Variants in STMN2 observed in about 807,000 individuals in gnomAD.
STMN2 encodes the protein stathmin 2.
In STMN2, 2 loss-of-function variants were observed where a neutral mutation model predicts 24.1. The ratio of observed to expected loss-of-function variants is 0.08; its 90% CI spans 0.03 to 0.26. The LOEUF is 0.26. STMN2 is among the 10% of genes least tolerant of loss of function. The pLI is 1.00. For synonymous variants in STMN2, 83 were observed against 77.5 expected (o/e 1.07, Z -0.37); for missense variants, 114 against 213.6 (o/e 0.53, Z 2.91).
chr8:79,624,896 C>A (rs532338447), intron 1 of STMN2, among the ~76,000 whole-genome samples: 8 of 152,316 alleles, frequency 5.3e-5, no homozygotes, highest in African/African-American at 1.9e-4. Flanking sequence ...CATCTTATAG[C>A]AATATTTGTT....
intron 1 of STMN2, chr8:79,631,307 C>T (rs1809797243): frequency 2.5e-6 from 1 of 397,102 alleles, no homozygotes; most frequent in Non-Finnish European, 3.4e-6. Context: ...CTGCTTTGAC[C>T]TTCTTAAATG....
At chr8:79,652,179 A>C (rs920780680) in intron 3 of STMN2, among the ~76,000 whole-genome samples, 1 of 152,176 alleles carries the variant, frequency 6.6e-6, no homozygotes, top group African/African-American at 2.4e-5. Flanking sequence ...GTTTGGTTTG[A>C]CTTTGTCTCC....
At chr8:79,614,309 A>G (rs920620474) in intron 1 of STMN2, among the ~76,000 whole-genome samples, 3 of 152,250 alleles carry the variant, frequency 2.0e-5, no homozygotes, top group Non-Finnish European at 2.9e-5. Flanking sequence ...TTAAACAATT[A>G]TGTATTCAGC....
chr8:79,644,520 G>T (rs933758987), intron 3 of STMN2, among the ~76,000 whole-genome samples: 4 of 152,208 alleles, frequency 2.6e-5, no homozygotes, highest in Admixed American at 2.0e-4. Flanking sequence ...GGATGTAGTA[G>T]TTTGATATGC....
At chr8:79,622,290 A>T (rs929297390) in intron 1 of STMN2, among the ~76,000 whole-genome samples, 1 of 152,224 alleles carries the variant, frequency 6.6e-6, no homozygotes, top group South Asian at 2.1e-4. Context: ...GCATTTGGTC[A>T]TCAAAAATAT....
chr8:79,636,573 G>A (rs553581139), intron 1 of STMN2, among the ~76,000 whole-genome samples: 2 of 151,752 alleles, frequency 1.3e-5, no homozygotes, highest in Admixed American at 6.6e-5. Flanking sequence ...TCTTTCTCTT[G>A]TTATTTAACC....
At chr8:79,662,204 CAATGCTAAAATA>C (rs1238500440) in intron 4 of STMN2, among the ~76,000 whole-genome samples, 1 of 152,006 alleles carries the variant, frequency 6.6e-6, no homozygotes, top group Non-Finnish European at 1.5e-5. Flanking sequence ...TAGCTGCATA[CAATGCTAAAATA>C]TTGTATTACA....
intron 1 of STMN2, among the ~76,000 whole-genome samples, chr8:79,627,993 A>G (rs912747937): frequency 2.0e-5 from 3 of 152,004 alleles, no homozygotes; most frequent in Non-Finnish European, 2.9e-5. Flanking sequence ...TTCTTTATTA[A>G]TTCATTTGTT....
At chr8:79,631,556 G>A in intron 1 of STMN2, 1 of 697,796 alleles carries the variant, frequency 1.4e-6, no homozygotes. Context: ...TAAAATCTGA[G>A]TTATTTCTTT....
intron 4 of STMN2, among the ~76,000 whole-genome samples, chr8:79,662,692 G>A (rs1472403425): frequency 2.0e-5 from 3 of 151,882 alleles, no homozygotes; most frequent in Non-Finnish European, 4.4e-5. Flanking sequence ...TCTTTCCTAT[G>A]GCAAAATCCA....
chr8:79,664,534 G>A (rs1806561943), intron 4 of STMN2, among the ~76,000 whole-genome samples: 1 of 152,104 alleles, frequency 6.6e-6, no homozygotes, highest in Non-Finnish European at 1.5e-5. Flanking sequence ...ACCTTTCTCT[G>A]GATTTATACT....
intron 2 of STMN2, among the ~76,000 whole-genome samples, chr8:79,639,479 C>A (rs765641441): frequency 6.6e-6 from 1 of 152,090 alleles, no homozygotes; most frequent in African/African-American, 2.4e-5. Flanking sequence ...GGCTGACCAG[C>A]GAGGTTCTTT....
At chr8:79,634,890 A>G in intron 1 of STMN2, among the ~76,000 whole-genome samples, 1 of 152,196 alleles carries the variant, frequency 6.6e-6, no homozygotes, top group Non-Finnish European at 1.5e-5. Context: ...GTTATATTAT[A>G]GTAATGATCA....
rs1247745650 is a variant in STMN2 at position 79,636,910 on chromosome 8, G to A, written c.115+13G>A. 3 of 1,610,598 alleles carry A rather than the reference G, an allele frequency of 1.9e-6. No homozygotes were observed. The highest frequency in any genetic ancestry group is 3.3e-5 in the Admixed American group (2 of 59,942). On this transcript the variant is annotated intron_variant, in intron 2 of 4. Coordinates refer to ENST00000220876, the MANE Select transcript of STMN2 (RefSeq NM_007029.4). ...TATACTTACGATGGTGAGTAACCTA[G>A]GATAGACATACCCCTGCTAGCTAGA...
chr8:79,631,329 C>A, intron 1 of STMN2: 1 of 576,652 alleles, frequency 1.7e-6, no homozygotes, highest in Non-Finnish European at 2.2e-6. Flanking sequence ...CCCTTTATTT[C>A]ATTTGATATC....
intron 4 of STMN2, among the ~76,000 whole-genome samples, chr8:79,664,288 T>C (rs1174599561): frequency 6.6e-6 from 1 of 152,194 alleles, no homozygotes; most frequent in African/African-American, 2.4e-5. Flanking sequence ...TCCATTAAAC[T>C]GAAACATCAA....
At chr8:79,662,817 C>T (rs951876008) in intron 4 of STMN2, among the ~76,000 whole-genome samples, 1 of 152,028 alleles carries the variant, frequency 6.6e-6, no homozygotes, top group Non-Finnish European at 1.5e-5. Context: ...AATCTTTAGA[C>T]TTGAGGCTTC....
Position 79,644,434 on chromosome 8 carries a change from A to C in STMN2, c.288+2884A>C, listed in dbSNP as rs182654402. On this transcript the variant is annotated intron_variant, in intron 3 of 4. Coordinates refer to ENST00000220876, the MANE Select transcript of STMN2 (RefSeq NM_007029.4). ...AGCTTCTTTTTCCCAATAGTTTAAC[A>C]AAAGTCCCGAAATTGAGTCTCAATG... Among the ~76,000 whole-genome samples the C allele has an allele frequency of 2.0e-5, 3 of 152,350 alleles. No homozygotes were observed. The East Asian group carries it at 5.8e-4, about 29-fold the overall frequency.
At chr8:79,633,428 C>T (rs1026119224) in intron 1 of STMN2, among the ~76,000 whole-genome samples, 1 of 152,160 alleles carries the variant, frequency 6.6e-6, no homozygotes, top group African/African-American at 2.4e-5. Context: ...CAAGAAAGAA[C>T]ATTTTTATCA....
Sources: allele counts gnomAD v4.1 joint callset (sites outside exome capture counted in the v4.1 genomes callset), GRCh38; gene constraint gnomAD v4.1.1; transcripts MANE v1.5; gene names NCBI Gene and HGNC (gene_info 2026-07-23, HGNC 2026-07-21).